PHF21A: variants seen among roughly 807,000 people sequenced by gnomAD.
PHF21A encodes PHD finger protein 21A, also known as BHC80a.
A neutral mutation model predicts 82.5 loss-of-function variants in PHF21A; 11 were observed. That is an observed-to-expected ratio of 0.13 (90% confidence interval 0.08 to 0.22). The LOEUF (loss-of-function observed/expected upper bound fraction) is 0.22, where lower values mean the gene tolerates loss of function less well. Ranked by LOEUF, PHF21A falls within the 10% of genes least tolerant of loss-of-function variation. PHF21A has a pLI of 1.00. For synonymous variants in PHF21A, 297 were observed against 302.8 expected (o/e 0.98, Z 0.20); for missense variants, 579 against 837.8 (o/e 0.69, Z 3.81).
In PHF21A at chr11:46,065,412, A is replaced by T. The variant is rs34091466; in HGVS notation, c.153+11342T>A. Among the ~76,000 whole-genome samples, 641 of 152,336 alleles carry T rather than the reference A, an allele frequency of 4.2e-3. 2 individuals are homozygous for T. Among genetic ancestry groups the T allele is most frequent in the Non-Finnish European group, 6.9e-3 (471 of 68,024 alleles). On this transcript the variant is annotated intron_variant, in intron 6 of 18. Coordinates refer to ENST00000676320, the MANE Select transcript of PHF21A (RefSeq NM_001352027.3). ...GGCACCACAGCAGCCATCCCATGAC[A>T]ACAGCAGTGGTTGCCGACATGCTGA...
At chr11:46,015,172 G>C (rs2095492646) in intron 6 of PHF21A, among the ~76,000 whole-genome samples, 1 of 152,030 alleles carries the variant, frequency 6.6e-6, no homozygotes, top group South Asian at 2.1e-4. Context: ...CATGTTGTTT[G>C]CCCACTTTTT....
Position 45,949,465 on chromosome 11 carries a change from C to G in PHF21A, c.1164G>C (p.Arg388Ser). The G allele has an allele frequency of 6.2e-7, 1 of 1,614,146 alleles. No individual in the cohort carries two copies. Among genetic ancestry groups the G allele is most frequent in the Non-Finnish European group, 8.5e-7 (1 of 1,179,974 alleles). The change falls in exon 13 of 19, where the codon AGG (arginine) becomes AGC (serine). Residue 388 changes from arginine (R) to serine (S), a missense_variant. Physicochemically the swap from Arg to Ser is moderately radical, Grantham distance 110 (BLOSUM62 -1). Around this residue, in one of 3 missense-constraint regions of PHF21A, gnomAD observed 410 missense variants for 642.1 expected, o/e 0.64. Coordinates refer to ENST00000676320, the MANE Select transcript of PHF21A (RefSeq NM_001352027.3). The part of the protein sequence containing the change: ...HDHLEEIQSK[R>S]QERKRRTTAN... The stretch of plus-strand genomic sequence containing the variant: ...CTGTTGTTCTTCTTTTTCGCTCTTG[C>G]CTCTTGCTTTGGATTTCTTGAGAGA...
chr11:46,119,917 G>T (rs1230954722), intron 1 of PHF21A: 1 of 146,640 alleles, frequency 6.8e-6, no homozygotes, highest in East Asian at 2.0e-4. Flanking sequence ...AGGGGCGGCC[G>T]CGGCCCCTCT....
At chr11:46,048,334 T>C (rs956082574) in intron 6 of PHF21A, among the ~76,000 whole-genome samples, 7 of 152,262 alleles carry the variant, frequency 4.6e-5, no homozygotes, top group African/African-American at 1.7e-4. Flanking sequence ...TATCATTCTA[T>C]ATGTAGTACT....
At chr11:45,945,003 T>A (rs1458462898) in intron 15 of PHF21A, among the ~76,000 whole-genome samples, 1 of 152,210 alleles carries the variant, frequency 6.6e-6, no homozygotes, top group Non-Finnish European at 1.5e-5. Flanking sequence ...CTTCAGATGA[T>A]CTGCCTGCCT....
intron 14 of PHF21A, among the ~76,000 whole-genome samples, chr11:45,948,579 C>T (rs925163336): frequency 3.3e-5 from 5 of 152,208 alleles, no homozygotes; most frequent in African/African-American, 1.2e-4. Flanking sequence ...CTTCCTTTTA[C>T]ATGGGGTTCT....
intron 3 of PHF21A, among the ~76,000 whole-genome samples, chr11:46,086,346 C>T (rs2096857230): frequency 6.6e-6 from 1 of 152,118 alleles, no homozygotes; most frequent in Admixed American, 6.6e-5. Context: ...GTCTTGATCT[C>T]CTGACCTCGT....
chr11:46,029,242 T>A (rs2095816067), intron 6 of PHF21A, among the ~76,000 whole-genome samples: 1 of 152,246 alleles, frequency 6.6e-6, no homozygotes, highest in Non-Finnish European at 1.5e-5. Context: ...TGATACTGAC[T>A]TTCACAAAGT....
chr11:46,031,268 T>G (rs2095861863), intron 6 of PHF21A, among the ~76,000 whole-genome samples: 1 of 152,238 alleles, frequency 6.6e-6, no homozygotes, highest in African/African-American at 2.4e-5. Flanking sequence ...AGAAATTGTT[T>G]CCTTAGCCTT....
chr11:45,966,777 G>A (rs1196494718), intron 9 of PHF21A, among the ~76,000 whole-genome samples: 4 of 151,926 alleles, frequency 2.6e-5, no homozygotes, highest in African/African-American at 7.3e-5. Context: ...ATGCCAGCAC[G>A]CCCAGCTAAT....
intron 6 of PHF21A, among the ~76,000 whole-genome samples, chr11:46,025,088 C>T (rs2095712483): frequency 6.6e-6 from 1 of 151,868 alleles, no homozygotes; most frequent in Non-Finnish European, 1.5e-5. Flanking sequence ...TGAAAATAAA[C>T]ACACACTGCC....
intron 18 of PHF21A, 199 bp from the exon 19 acceptor site, chr11:45,934,424 TG>T (rs1225146740): frequency 2.5e-5 from 14 of 555,592 alleles, no homozygotes; most frequent in Admixed American, 1.3e-4. Context: ...GTGGGTAGGC[TG>T]GGGGGTCCCA....
chr11:45,957,344 G>C (rs1289057686), intron 10 of PHF21A, among the ~76,000 whole-genome samples: 1 of 152,136 alleles, frequency 6.6e-6, no homozygotes, highest in Non-Finnish European at 1.5e-5. Flanking sequence ...TTTTTATCAA[G>C]TGTACATGAA....
intron 6 of PHF21A, among the ~76,000 whole-genome samples, chr11:46,040,139 AAC>A: frequency 6.6e-6 from 1 of 152,328 alleles, no homozygotes; most frequent in South Asian, 2.1e-4. Flanking sequence ...GTTTCTTCTG[AAC>A]AACCTCTGGC....
At chr11:45,943,946 T>C (rs1278617591) in intron 15 of PHF21A, among the ~76,000 whole-genome samples, 2 of 152,204 alleles carry the variant, frequency 1.3e-5, no homozygotes, top group African/African-American at 4.8e-5. Flanking sequence ...AGAGGCATTC[T>C]ACAGAAGAAC....
At chr11:46,090,951 G>T (rs2096917575) in intron 2 of PHF21A, among the ~76,000 whole-genome samples, 1 of 152,128 alleles carries the variant, frequency 6.6e-6, no homozygotes, top group Non-Finnish European at 1.5e-5. Flanking sequence ...GTATAAATGG[G>T]TTAAGGTCGC....
intron 18 of PHF21A, 136 bp downstream of exon 18, chr11:45,935,500 A>G: frequency 2.9e-6 from 2 of 680,144 alleles, no homozygotes; most frequent in Non-Finnish European, 5.1e-6. Context: ...GGCAAACTGC[A>G]TTTGCCCAAG....
In PHF21A at chr11:45,938,211, G is replaced by C. The variant is rs550281826; in HGVS notation, c.1554C>G (p.Pro518=). The C allele has an allele frequency of 9.3e-6, 15 of 1,606,276 alleles. No individual in the cohort carries two copies. The African/African-American group carries it at 1.9e-4, about 20-fold the overall frequency. Residue 518 remains proline (P), a synonymous_variant, in exon 16 of 19, where the codon CCC becomes CCG. Coordinates refer to ENST00000676320, the MANE Select transcript of PHF21A (RefSeq NM_001352027.3). ...SRVYHLDCLD[P]PLKTIPKGMW... ...TGCCCTTGGGAATTGTTTTCAGAGG[G>C]GGGTCTAAGCAGTCCAAATGATATA... is the stretch of plus-strand genomic sequence containing the variant.
chr11:46,096,710 C>CT, intron 1 of PHF21A, among the ~76,000 whole-genome samples: 1 of 152,240 alleles, frequency 6.6e-6, no homozygotes, highest in South Asian at 2.1e-4. Context: ...TCTTGGAACT[C>CT]TTCCCCTTAG....
Sources: gnomAD v4.1 joint callset for allele counts (sites outside exome capture counted in the v4.1 genomes callset) on GRCh38, gnomAD v4.1.1 for gene constraint, gnomAD v4.1.1 regional missense constraint, MANE v1.5 for transcripts, NCBI Gene and HGNC (gene_info 2026-07-23, HGNC 2026-07-21) for gene names.